KY: variants seen among roughly 807,000 people sequenced by gnomAD.
The protein encoded by KY is kyphoscoliosis peptidase.
KY carries 43 observed loss-of-function variants against 76.1 expected under a neutral mutation model. That is an observed-to-expected ratio of 0.57 (90% confidence interval 0.44 to 0.73). The LOEUF (loss-of-function observed/expected upper bound fraction) is 0.73. Ranked by LOEUF, KY falls within the 30% of genes least tolerant of loss-of-function variation. The probability of loss-of-function intolerance (pLI) is 0.00; values close to 1 mark genes in which losing one functional copy is unlikely to be tolerated. For synonymous variants in KY, 277 were observed against 326.2 expected (o/e 0.85, Z 1.63); for missense variants, 722 against 828.9 (o/e 0.87, Z 1.58).
rs749145005 is a variant in KY at position 134,651,013 on chromosome 3, C to A, written c.-53G>T. 133 of 1,609,744 alleles carry A rather than the reference C, an allele frequency of 8.3e-5. 1 individual carries two copies. The highest frequency in any genetic ancestry group is 1.1e-4 in the Non-Finnish European group (131 of 1,178,138). On this transcript the variant is annotated 5_prime_UTR_variant, in exon 1 of 11. Coordinates refer to ENST00000423778, the MANE Select transcript of KY (RefSeq NM_178554.6). ...CCGCGGCCGCACGCTAGGCTGCTTG[C>A]GCTGCAAATGGCCCCGTGCGCGCAG...
intron 4 of KY, 89 bp downstream of exon 4, chr3:134,629,532 A>G (rs780940609): frequency 1.8e-5 from 18 of 977,838 alleles, no homozygotes; most frequent in Non-Finnish European, 2.5e-5. Flanking sequence ...TCCTTCCCTC[A>G]GAAGATGCTT....
chr3:134,618,010 G>T (rs140692677), intron 8 of KY, among the ~76,000 whole-genome samples: 1 of 152,152 alleles, frequency 6.6e-6, no homozygotes, highest in African/African-American at 2.4e-5. Context: ...TCTGGGGTAG[G>T]GGGTGGGAAG....
rs1367151949 is a variant in KY at position 134,602,092 on chromosome 3, G to T, written c.*1487C>A. Among the ~76,000 whole-genome samples, 2 of 152,164 alleles carry T rather than the reference G, an allele frequency of 1.3e-5. No homozygotes were observed. The highest frequency in any genetic ancestry group is 2.4e-5 in the African/African-American group (1 of 41,430). On this transcript the variant is annotated 3_prime_UTR_variant, in exon 11 of 11. Transcript: ENST00000423778. ...GTTGAGCCTGGAGGCCTGTGGAGGGGCTGTGGGGAGAGGTGCCAGGCAGTG... is the reference window on the plus strand; with the variant it reads ...GTTGAGCCTGGAGGCCTGTGGAGGGTCTGTGGGGAGAGGTGCCAGGCAGTG...
intron 8 of KY, among the ~76,000 whole-genome samples, chr3:134,616,200 C>T (rs944232931): frequency 6.6e-6 from 1 of 152,204 alleles, no homozygotes; most frequent in South Asian, 2.1e-4. Flanking sequence ...ACTGGACCAG[C>T]AGTTACAAGC....
chr3:134,619,870 T>C (rs954904846), intron 7 of KY: 1 of 152,920 alleles, frequency 6.5e-6, no homozygotes, highest in Admixed American at 6.5e-5. Context: ...CCCTGCCCCT[T>C]TAAGGCACAG....
chr3:134,613,478 C>G (rs1391900577), intron 8 of KY, among the ~76,000 whole-genome samples: 1 of 152,144 alleles, frequency 6.6e-6, no homozygotes, highest in Non-Finnish European at 1.5e-5. Context: ...GGGTGATGGC[C>G]CCTGAGCCAG....
chr3:134,624,517 A>G (rs1020020913), intron 6 of KY, among the ~76,000 whole-genome samples: 1 of 152,120 alleles, frequency 6.6e-6, no homozygotes, highest in Non-Finnish European at 1.5e-5. Context: ...CCTGGCTCCA[A>G]TGACTTCCAT....
chr3:134,624,952 A>C, intron 6 of KY, 101 bp downstream of exon 6: 2 of 1,031,558 alleles, frequency 1.9e-6, no homozygotes, highest in Non-Finnish European at 3.0e-6. Flanking sequence ...CAACCAAGCC[A>C]CTCAGGATAT....
At chr3:134,608,926 C>A (rs572389121) in intron 9 of KY, 87 bp from the exon 10 acceptor site, 36 of 1,451,846 alleles carry the variant, frequency 2.5e-5, no homozygotes, top group Non-Finnish European at 3.1e-5. Flanking sequence ...CCTATGGACA[C>A]CCTGGATGGG....
chr3:134,629,816 T>C, intron 3 of KY, 121 bp from the exon 4 acceptor site: 1 of 655,742 alleles, frequency 1.5e-6, no homozygotes, highest in East Asian at 2.8e-5. Context: ...TGTGTACAAA[T>C]CATCCTTGTT....
At chr3:134,605,632 A>G (rs1194196811) in intron 10 of KY, among the ~76,000 whole-genome samples, 3 of 151,946 alleles carry the variant, frequency 2.0e-5, no homozygotes, top group Admixed American at 1.3e-4. Flanking sequence ...CCTGTCACAT[A>G]CTGCCCACTC....
At chr3:134,632,534 A>G (rs1964371953) in intron 3 of KY, among the ~76,000 whole-genome samples, 1 of 152,068 alleles carries the variant, frequency 6.6e-6, no homozygotes, top group African/African-American at 2.4e-5. Context: ...TCTCAAGGAA[A>G]ATTAGAAAAT....
chr3:134,625,499 G>C (rs113505774), intron 5 of KY, among the ~76,000 whole-genome samples: 1 of 152,242 alleles, frequency 6.6e-6, no homozygotes, highest in Non-Finnish European at 1.5e-5. Context: ...TGGATTCCCT[G>C]TTATTTTTCC....
chr3:134,622,215 G>A (rs1367911328), intron 6 of KY, among the ~76,000 whole-genome samples: 2 of 152,110 alleles, frequency 1.3e-5, no homozygotes, highest in Non-Finnish European at 2.9e-5. Flanking sequence ...TCCAAGGTAC[G>A]CAACCAAAAA....
Position 134,603,728 on chromosome 3 carries a change from C to A in KY, c.1837G>T (p.Asp613Tyr), listed in dbSNP as rs1215185001. The part of the protein sequence containing the change: ...GIAKVLVKGQ[D>Y]TWPLTLNHEG... ...TGGTTCAGGGTCAGGGGCCATGTGT[C>A]CTGCCCCTTCACCAGGACTTTGGCA... Residue 613 changes from aspartate to tyrosine, a missense_variant, in exon 11 of 11, where the codon GAC becomes TAC. Asp to Tyr is a radical substitution (Grantham distance 160, BLOSUM62 -3). Transcript: ENST00000423778. The A allele has an allele frequency of 6.2e-7, 1 of 1,613,142 alleles. No homozygotes were observed. Among genetic ancestry groups the A allele is most frequent in the South Asian group, 1.1e-5 (1 of 90,976 alleles).
rs1402578561 is a variant in KY, at chr3:134,602,592, C to T, written c.*987G>A. On this transcript the variant is annotated 3_prime_UTR_variant, in exon 11 of 11. Transcript: ENST00000423778. ...TCCTCGGCATTGCCGCACTGCACTA[C>T]TCACCTGATCTGCGCCCAGGTCCTT... 6.6e-6 allele frequency among the ~76,000 whole-genome samples: 1 copy of T among 152,196 alleles called. No homozygotes were observed. The highest frequency in any genetic ancestry group is 1.5e-5 in the Non-Finnish European group (1 of 68,030).
chr3:134,634,522 A>G (rs1964664434), intron 3 of KY, among the ~76,000 whole-genome samples: 1 of 152,230 alleles, frequency 6.6e-6, no homozygotes, highest in Non-Finnish European at 1.5e-5. Context: ...ATTTTACTAT[A>G]AAAGAGATTT....
At chr3:134,611,094 G>A (rs879936248) in intron 8 of KY, among the ~76,000 whole-genome samples, 4 of 152,216 alleles carry the variant, frequency 2.6e-5, no homozygotes, top group Non-Finnish European at 5.9e-5. Flanking sequence ...GGTGCATTAA[G>A]GTCATTTGCT....
At chr3:134,644,971 C>T (rs974922591) in intron 2 of KY, among the ~76,000 whole-genome samples, 5 of 152,248 alleles carry the variant, frequency 3.3e-5, no homozygotes, top group Non-Finnish European at 4.4e-5. Flanking sequence ...AGGCCAGGAC[C>T]GCCTTCTGCA....
Sources: allele counts gnomAD v4.1 joint callset (sites outside exome capture counted in the v4.1 genomes callset), GRCh38; gene constraint gnomAD v4.1.1; transcripts MANE v1.5; gene names NCBI Gene and HGNC (gene_info 2026-07-23, HGNC 2026-07-21).